The following ARHGEF28 variants were observed in gnomAD, a reference collection of about 807,000 sequenced individuals.
ARHGEF28 encodes 190 kDa guanine nucleotide exchange factor.
A neutral mutation model predicts 206.6 loss-of-function variants in ARHGEF28; 152 were observed. That is an observed-to-expected ratio of 0.74 (90% CI 0.64 to 0.84). The LOEUF is 0.84. Ranked by LOEUF, ARHGEF28 falls within the 40% of genes least tolerant of loss-of-function variation. The probability of loss-of-function intolerance (pLI) is 0.00; values close to 1 mark genes in which losing one functional copy is unlikely to be tolerated. For synonymous variants in ARHGEF28, 763 were observed against 776.4 expected (o/e 0.98, Z 0.29); for missense variants, 2,028 against 2,073.2 (o/e 0.98, Z 0.42).
chr5:73,924,558 CA>C (rs766066366), intron 35 of ARHGEF28, among the ~76,000 whole-genome samples: 11 of 152,112 alleles, frequency 7.2e-5, no homozygotes, highest in Non-Finnish European at 1.5e-4. Context: ...TTAGGAAGTG[CA>C]TTTGGTGCAT....
chr5:73,806,997 AATT>A (rs928148807), intron 9 of ARHGEF28, among the ~76,000 whole-genome samples: 8 of 149,606 alleles, frequency 5.3e-5, no homozygotes, highest in African/African-American at 2.0e-4. Flanking sequence ...TGCATTTTAA[AATT>A]ATTAAGTCTG....
intron 6 of ARHGEF28, among the ~76,000 whole-genome samples, chr5:73,779,926 G>T (rs1190438478): frequency 1.3e-5 from 2 of 152,144 alleles, no homozygotes; most frequent in African/African-American, 4.8e-5. Context: ...CAATCCACGG[G>T]GCTTAATGAC....
At chr5:73,804,082 CAAAAAAAAAAA>C (rs35722039) in intron 9 of ARHGEF28, among the ~76,000 whole-genome samples, 4 of 64,316 alleles carry the variant, frequency 6.2e-5, no homozygotes, top group African/African-American at 2.1e-4. Context: ...GAGACCCTGT[CAAAAAAAAAAA>C]AAAAAAAAAA....
At chr5:73,865,418 A>G (rs149558929) in intron 17 of ARHGEF28, among the ~76,000 whole-genome samples, 137 of 152,288 alleles carry the variant, frequency 9.0e-4, no homozygotes, top group African/African-American at 3.0e-3. Context: ...CTGTGATTCT[A>G]TTCCTTTCTT....
intron 4 of ARHGEF28, among the ~76,000 whole-genome samples, chr5:73,765,109 T>G (rs961795206): frequency 2.0e-5 from 3 of 152,228 alleles, no homozygotes; most frequent in Non-Finnish European, 4.4e-5. Flanking sequence ...TTTGTTTTCT[T>G]GTAGTCCAGA....
chr5:73,773,957 C>T lies in ARHGEF28; in HGVS notation c.578C>T (p.Ala193Val), dbSNP rs1462133503. 4.4e-6 allele frequency: 7 copies of T among 1,607,288 alleles called. No homozygotes were observed. Among genetic ancestry groups the T allele is most frequent in the Non-Finnish European group, 5.9e-6 (7 of 1,176,762 alleles). ...CTCCCGGGGGGAGTCCAGGCCTTGG[C>T]TTTACCCAACGAAGAGGGTGCCACA... ...LCLPGGVQAL[A>V]LPNEEGATPL... is the part of the protein sequence containing the mutation. The change falls in exon 5 of 36, where the codon GCT becomes GTT. Residue 193 changes from alanine (A) to valine (V), a missense_variant. Physicochemically the swap from Ala to Val is moderately conservative, Grantham distance 64. Transcript: ENST00000513042.
chr5:73,680,113 T>G (rs1365129629), intron 1 of ARHGEF28, among the ~76,000 whole-genome samples: 1 of 152,060 alleles, frequency 6.6e-6, no homozygotes, highest in Non-Finnish European at 1.5e-5. Context: ...CTTGAACAGT[T>G]TTCGATAGAA....
chr5:73,892,772 TA>T (rs747921734), intron 27 of ARHGEF28, among the ~76,000 whole-genome samples: 76 of 152,334 alleles, frequency 5.0e-4, no homozygotes, highest in Admixed American at 2.2e-3. Context: ...GGACAGTTTT[TA>T]TAATTGGGAG....
intron 22 of ARHGEF28, among the ~76,000 whole-genome samples, chr5:73,875,812 G>A (rs1394198174): frequency 6.6e-6 from 1 of 152,254 alleles, no homozygotes; most frequent in East Asian, 1.9e-4. Context: ...ATGCTGTTTT[G>A]GTTACTGTAG....
intron 33 of ARHGEF28, 67 bp from the exon 34 acceptor site, chr5:73,909,345 A>G: frequency 6.6e-7 from 1 of 1,514,884 alleles, no homozygotes; most frequent in Non-Finnish European, 8.9e-7. Flanking sequence ...GGTAGTTCCA[A>G]CCGAAAGGGT....
chr5:73,926,879 T>C (rs1470177912), intron 35 of ARHGEF28, among the ~76,000 whole-genome samples: 3 of 152,210 alleles, frequency 2.0e-5, no homozygotes, highest in Non-Finnish European at 4.4e-5. Flanking sequence ...GTAGTGGCCC[T>C]CAGCAGTCTG....
intron 4 of ARHGEF28, among the ~76,000 whole-genome samples, chr5:73,765,996 C>CA (rs1752875700): frequency 6.6e-6 from 1 of 151,876 alleles, no homozygotes; most frequent in South Asian, 2.1e-4. Context: ...ACTAAAAATA[C>CA]AAAAAATTAG....
At chr5:73,649,348 G>A (rs1041689938) in intron 1 of ARHGEF28, among the ~76,000 whole-genome samples, 1 of 152,200 alleles carries the variant, frequency 6.6e-6, no homozygotes, top group African/African-American at 2.4e-5. Context: ...AATTGAAAGA[G>A]TCTAGGAGGG....
intron 22 of ARHGEF28, among the ~76,000 whole-genome samples, chr5:73,876,198 C>G (rs1465206561): frequency 7.1e-6 from 1 of 141,252 alleles, no homozygotes; most frequent in African/African-American, 2.7e-5. Flanking sequence ...AATGGGAGTT[C>G]ACTCATGATT....
intron 25 of ARHGEF28, among the ~76,000 whole-genome samples, chr5:73,886,540 A>G (rs1761311596): frequency 2.0e-5 from 3 of 152,232 alleles, no homozygotes. Flanking sequence ...GTTACTGACT[A>G]ATAGAATATA....
Position 73,707,182 on chromosome 5 carries a change from G to A in ARHGEF28, c.33+22298G>A, listed in dbSNP as rs535020468. Among the ~76,000 whole-genome samples, 6 of 152,356 alleles carry A rather than the reference G, an allele frequency of 3.9e-5. No homozygotes were observed. In the South Asian group the frequency reaches 8.3e-4, roughly 21 times the overall value. Reference sequence around the variant, plus strand: ...TACCCTACGCGAGCAGCTGGCTAGAGTGGGACTTTATAATCAGTGTCCCCT... The same window carrying A: ...TACCCTACGCGAGCAGCTGGCTAGAATGGGACTTTATAATCAGTGTCCCCT... On this transcript the variant is annotated intron_variant, in intron 2 of 35. Transcript: ENST00000513042.
chr5:73,825,416 G>A (rs886957461), intron 9 of ARHGEF28, among the ~76,000 whole-genome samples: 1 of 152,190 alleles, frequency 6.6e-6, no homozygotes, highest in African/African-American at 2.4e-5. Context: ...GGCTTGTGGG[G>A]CTGGAGTAGA....
chr5:73,906,734 AT>A (rs893576686), intron 33 of ARHGEF28, among the ~76,000 whole-genome samples: 9 of 151,432 alleles, frequency 5.9e-5, no homozygotes, highest in African/African-American at 1.7e-4. Flanking sequence ...GTGTATATGT[AT>A]TTTTTTCACT....
At chr5:73,814,532 G>A (rs1455930851) in intron 9 of ARHGEF28, among the ~76,000 whole-genome samples, 1 of 152,044 alleles carries the variant, frequency 6.6e-6, no homozygotes. Flanking sequence ...AAGATAGTGT[G>A]TAATCCTTCC....
Sources: gnomAD v4.1 joint callset for allele counts (sites outside exome capture counted in the v4.1 genomes callset) on GRCh38, gnomAD v4.1.1 for gene constraint, MANE v1.5 for transcripts, NCBI Gene and HGNC (gene_info 2026-07-23, HGNC 2026-07-21) for gene names.